The following PRH1 variants were observed in gnomAD, a reference collection of about 807,000 sequenced individuals.
The protein encoded by PRH1 is salivary acidic proline-rich phosphoprotein 1/2.
Under a neutral mutation model 7.9 loss-of-function variants are expected in PRH1, and 7 were observed. That is an observed-to-expected ratio of 0.89 (90% CI 0.50 to 1.67). The LOEUF is 1.67. Among genes scored for constraint, PRH1 ranks in the 40% most tolerant of loss-of-function variants. The pLI, the probability that PRH1 is intolerant of heterozygous loss-of-function variation, is 0.00. For synonymous variants in PRH1, 45 were observed against 80.8 expected (o/e 0.56, Z 2.38); for missense variants, 109 against 223.6 (o/e 0.49, Z 3.27).
chr12:11,013,700 G>C (rs1941161707), intron 1 of PRH1, among the ~76,000 whole-genome samples: 1 of 150,200 alleles, frequency 6.7e-6, no homozygotes, highest in African/African-American at 2.4e-5. Context: ...TCATTTAGTG[G>C]AAATTCAAGC....
intron 2 of PRH1, among the ~76,000 whole-genome samples, chr12:10,960,435 G>T (rs1257040508): frequency 6.6e-6 from 1 of 152,232 alleles, no homozygotes; most frequent in African/African-American, 2.4e-5. Context: ...ACTTGCAGAT[G>T]CTCTCTAGGA....
chr12:10,896,655 G>A (rs767463535), intron 2 of PRH1, among the ~76,000 whole-genome samples: 5 of 151,818 alleles, frequency 3.3e-5, no homozygotes, highest in South Asian at 2.1e-4. Context: ...CCAGTTACTC[G>A]GGAGGCTGAG....
chr12:11,073,593 C>A (rs144214109), intron 1 of PRH1, among the ~76,000 whole-genome samples: 2,151 of 151,512 alleles, frequency 0.014, no homozygotes, highest in South Asian at 0.029. Flanking sequence ...TTTTTAAATC[C>A]CTGTTCAGTT....
In PRH1 at chr12:11,106,183, G is replaced by A. The variant is rs180979080; in HGVS notation, n.124-58995C>T. 1.7e-4 allele frequency among the ~76,000 whole-genome samples: 8 copies of A among 47,078 alleles called. 1 individual carries two copies. The highest frequency in any genetic ancestry group is 3.0e-4 in the African/African-American group (5 of 16,628). The allele number at this position is 47,078 out of a possible 152,430, so 30.9% of individuals were successfully genotyped here. A position where few individuals can be genotyped will look rare whatever the true frequency, so the allele number is the denominator to read the frequency against. ...TCTCGATCTCCTGACCTCGTGATCC[G>A]CCCGCCTCGGCCTCCCAAAGTGCTG... On this transcript the variant is annotated intron_variant and non_coding_transcript_variant, in intron 1 of 4. Coordinates refer to the PRH1 transcript ENST00000541977.
chr12:10,901,787 C>T (rs1299254864), intron 2 of PRH1, among the ~76,000 whole-genome samples: 4 of 148,950 alleles, frequency 2.7e-5, no homozygotes, highest in Non-Finnish European at 5.9e-5. Flanking sequence ...TAAAGTCATA[C>T]CTCCTAAGGA....
intron 2 of PRH1, among the ~76,000 whole-genome samples, chr12:10,906,638 T>C (rs1400986574): frequency 6.6e-6 from 1 of 152,138 alleles, no homozygotes; most frequent in East Asian, 1.9e-4. Flanking sequence ...AGTGAATAAG[T>C]CTCATGAAAC....
At chr12:10,984,969 C>T (rs750836540) in intron 1 of PRH1, among the ~76,000 whole-genome samples, 31 of 151,580 alleles carry the variant, frequency 2.0e-4, no homozygotes, top group Non-Finnish European at 3.7e-4. Context: ...GAGTATTTTT[C>T]TAAGGTAGGG....
intron 2 of PRH1, among the ~76,000 whole-genome samples, chr12:10,959,630 T>C (rs1023909500): frequency 6.6e-6 from 1 of 152,180 alleles, no homozygotes. Flanking sequence ...ATTCTATCTA[T>C]GTATTTCTTC....
intron 1 of PRH1, among the ~76,000 whole-genome samples, chr12:11,154,264 C>T (rs898450044): frequency 2.6e-5 from 4 of 152,052 alleles, no homozygotes; most frequent in African/African-American, 7.2e-5. Context: ...AAAAGAGAAT[C>T]AAGTATTGTA....
chr12:11,015,231 C>T (rs1044963293), intron 1 of PRH1, among the ~76,000 whole-genome samples: 4 of 152,278 alleles, frequency 2.6e-5, no homozygotes, highest in Admixed American at 1.3e-4. Flanking sequence ...GGGGCTGAAT[C>T]ATGGGAAAAG....
chr12:11,067,973 C>T (rs375029005), intron 1 of PRH1, among the ~76,000 whole-genome samples: 1 of 152,114 alleles, frequency 6.6e-6, no homozygotes, highest in East Asian at 1.9e-4. Flanking sequence ...TAAGAATATG[C>T]TGTATCACCC....
intron 1 of PRH1, among the ~76,000 whole-genome samples, chr12:11,043,248 C>A (rs1334192333): frequency 6.6e-6 from 1 of 152,018 alleles, no homozygotes; most frequent in African/African-American, 2.4e-5. Flanking sequence ...ATTCAATATT[C>A]CTTCATGATA....
intron 2 of PRH1, among the ~76,000 whole-genome samples, chr12:10,968,327 T>C (rs7312169): frequency 0.24 from 36,966 of 152,110 alleles, 4,534 homozygotes; most frequent in Non-Finnish European, 0.25. Flanking sequence ...CGTTTACTAA[T>C]GTAACTTGCC....
At chr12:11,156,035 T>G (rs1331670762) in intron 1 of PRH1, among the ~76,000 whole-genome samples, 1 of 152,218 alleles carries the variant, frequency 6.6e-6, no homozygotes, top group African/African-American at 2.4e-5. Context: ...CAATAGTCCT[T>G]TTAGTTACGC....
chr12:10,976,943 A>G (rs1490090296), intron 1 of PRH1, among the ~76,000 whole-genome samples: 2 of 152,168 alleles, frequency 1.3e-5, no homozygotes, highest in African/African-American at 4.8e-5. Flanking sequence ...AACCAAAAAA[A>G]GCCCAGGACC....
At chr12:11,170,146 G>C (rs1291386702) in intron 1 of PRH1, among the ~76,000 whole-genome samples, 2 of 152,206 alleles carry the variant, frequency 1.3e-5, no homozygotes, top group Non-Finnish European at 2.9e-5. Flanking sequence ...GTGCTTTCTA[G>C]TTAAAATGGG....
intron 2 of PRH1, among the ~76,000 whole-genome samples, chr12:10,923,623 G>A (rs1296897178): frequency 6.6e-6 from 1 of 152,116 alleles, no homozygotes; most frequent in Non-Finnish European, 1.5e-5. Flanking sequence ...AAGTTTTTGT[G>A]GCACAAATTG....
intron 2 of PRH1, chr12:10,909,219 A>G (rs906706911): frequency 1.2e-6 from 2 of 1,613,634 alleles, no homozygotes; most frequent in African/African-American, 2.7e-5. Context: ...GATCAGTACT[A>G]TAAATCCATT....
At chr12:11,066,758 T>C (rs1943838605) in intron 1 of PRH1, among the ~76,000 whole-genome samples, 1 of 151,942 alleles carries the variant, frequency 6.6e-6, no homozygotes, top group Admixed American at 6.6e-5. Context: ...AACCCTACTA[T>C]TCTTCCTCAT....
Sources: gnomAD v4.1 joint callset for allele counts (sites outside exome capture counted in the v4.1 genomes callset) on GRCh38, gnomAD v4.1.1 for gene constraint, MANE v1.5 for transcripts, NCBI Gene and HGNC (gene_info 2026-07-23, HGNC 2026-07-21) for gene names.